The following SLC25A14 variants were observed in gnomAD, a reference collection of about 807,000 sequenced individuals.
The protein encoded by SLC25A14 is solute carrier family 25 member 14.
A neutral mutation model predicts 28.1 loss-of-function variants in SLC25A14; 8 were observed. The ratio of observed to expected loss-of-function variants is 0.28; its 90% CI spans 0.17 to 0.51. The LOEUF is 0.51. Ranked by LOEUF, SLC25A14 falls within the 20% of genes least tolerant of loss-of-function variation. The pLI is 0.97. For missense variants in SLC25A14, 135 were observed against 263.8 expected (o/e 0.51, Z 3.38); for synonymous variants, 74 against 90.6 (o/e 0.82, Z 1.04).
At chrX:130,341,776 C>T (rs1026867576) in intron 2 of SLC25A14, among the ~76,000 whole-genome samples, 52 of 112,090 alleles carry the variant, frequency 4.6e-4, no homozygotes, top group Non-Finnish European at 7.0e-4. Context: ...ACTACTTTTA[C>T]GCATATTTGG....
At position 130,346,680 on chromosome X, in the gene SLC25A14, T is replaced by G; in HGVS notation, c.306T>G (p.Ala102=). 2 of 1,206,226 alleles carry G rather than the reference T, an allele frequency of 1.7e-6. No homozygotes were observed. The highest frequency in any genetic ancestry group is 2.2e-6 in the Non-Finnish European group (2 of 891,167). ...FRICKEEGVL[A]LYSGIAPALL... ...TCTGTAAAGAGGAAGGTGTATTGGC[T>G]CTCTATTCAGGGTGAGACTGGTTCT... The change falls in exon 4 of 11, where the codon GCT becomes GCG. Residue 102 remains alanine, a synonymous_variant. Coordinates refer to ENST00000545805, the MANE Select transcript of SLC25A14 (RefSeq NM_001282195.2).
At chrX:130,365,949 A>G (rs780486806) in intron 9 of SLC25A14, among the ~76,000 whole-genome samples, 79 of 112,067 alleles carry the variant, frequency 7.0e-4, no homozygotes, top group Non-Finnish European at 2.1e-4. Flanking sequence ...AGAAAAGACA[A>G]TATATCCCCC....
chrX:130,362,121 A>G (rs1055636368), intron 7 of SLC25A14, among the ~76,000 whole-genome samples: 1 of 103,823 alleles, frequency 9.6e-6, no homozygotes, highest in African/African-American at 3.5e-5. Flanking sequence ...TTATTTATTT[A>G]TTTATTTATT....
At chrX:130,365,011 C>T (rs1350378840) in intron 8 of SLC25A14, 2 of 817,494 alleles carry the variant, frequency 2.4e-6, no homozygotes, top group African/African-American at 2.2e-5. Context: ...TTTATCCATA[C>T]ATAGCTTCTA....
chrX:130,354,085 C>G (rs1337977762), intron 6 of SLC25A14, among the ~76,000 whole-genome samples: 13 of 106,054 alleles, frequency 1.2e-4, no homozygotes, highest in Admixed American at 1.0e-3. Context: ...CCTTGATGGC[C>G]TTTTTCATTC....
intron 3 of SLC25A14, among the ~76,000 whole-genome samples, chrX:130,345,745 A>C (rs2033415660): frequency 8.9e-6 from 1 of 111,769 alleles, no homozygotes; most frequent in East Asian, 2.8e-4. Context: ...CGTTTTTTTC[A>C]TCTTCCAGAT....
At chrX:130,368,059 G>A (rs1027684904) in intron 9 of SLC25A14, among the ~76,000 whole-genome samples, 1 of 112,600 alleles carries the variant, frequency 8.9e-6, no homozygotes, top group Non-Finnish European at 1.9e-5. Flanking sequence ...GATTACAGGC[G>A]TGAGCCACCG....
intron 10 of SLC25A14, among the ~76,000 whole-genome samples, chrX:130,372,636 G>A (rs1276947033): frequency 9.2e-6 from 1 of 108,854 alleles, no homozygotes; most frequent in Non-Finnish European, 1.9e-5. Context: ...CTAATTTTTT[G>A]TATTTTTAGT....
intron 3 of SLC25A14, among the ~76,000 whole-genome samples, chrX:130,346,266 A>T (rs1343482787): frequency 9.0e-6 from 1 of 111,174 alleles, no homozygotes; most frequent in Non-Finnish European, 1.9e-5. Flanking sequence ...ACAACATTTA[A>T]TTATTTTGCA....
chrX:130,361,360 CTG>C (rs1406720683), intron 7 of SLC25A14, among the ~76,000 whole-genome samples: 1 of 112,310 alleles, frequency 8.9e-6, no homozygotes, highest in Non-Finnish European at 1.9e-5. Flanking sequence ...CTGAACATAA[CTG>C]TTTTTATGAT....
chrX:130,372,225 A>G (rs373549816), intron 10 of SLC25A14, among the ~76,000 whole-genome samples: 2 of 111,603 alleles, frequency 1.8e-5, no homozygotes, highest in East Asian at 2.8e-4. Flanking sequence ...GAGAGAGGGT[A>G]TCTCGTTCCC....
At chrX:130,369,727 G>T (rs1230307660) in intron 9 of SLC25A14, among the ~76,000 whole-genome samples, 1 of 111,612 alleles carries the variant, frequency 9.0e-6, no homozygotes, top group African/African-American at 3.3e-5. Context: ...AGCTGGACAT[G>T]TTCAAGGGTT....
rs780076232 is a variant in SLC25A14, at chrX:130,340,412, C to T, written c.75+59C>T. 43 of 1,159,818 alleles carry T rather than the reference C, an allele frequency of 3.7e-5. No individual in the cohort carries two copies. The African/African-American group carries it at 7.3e-4, about 20-fold the overall frequency. On this transcript the variant is annotated intron_variant, in intron 2 of 10. Coordinates refer to ENST00000545805, the MANE Select transcript of SLC25A14 (RefSeq NM_001282195.2). ...GATACTGTTGAAAGATGCTCCCCTT[C>T]GGTTTCTACCCCCTGTCACTCCTGA...
At chrX:130,372,612 G>A (rs924223340) in intron 10 of SLC25A14, among the ~76,000 whole-genome samples, 2 of 108,977 alleles carry the variant, frequency 1.8e-5, no homozygotes, top group African/African-American at 6.7e-5. Context: ...ACAGGCACCC[G>A]CCACCACACC....
chrX:130,360,026 A>C (rs920528800), intron 7 of SLC25A14, among the ~76,000 whole-genome samples: 7 of 110,261 alleles, frequency 6.3e-5, no homozygotes, highest in African/African-American at 2.3e-4. Context: ...ATTTCCTGTT[A>C]ATGAGACCAG....
intron 4 of SLC25A14, 42 bp from the exon 5 acceptor site, chrX:130,349,209 C>A: frequency 1.1e-6 from 1 of 901,782 alleles, no homozygotes; most frequent in Non-Finnish European, 1.6e-6. Context: ...TATGTATAAT[C>A]TGAAAATGTT....
At chrX:130,348,533 TC>T (rs1184988367) in intron 4 of SLC25A14, among the ~76,000 whole-genome samples, 1 of 110,585 alleles carries the variant, frequency 9.0e-6, no homozygotes. Context: ...GTAGTGCTAG[TC>T]CCTGTTTCAT....
intron 6 of SLC25A14, 31 bp downstream of exon 6, chrX:130,350,762 G>A (rs376543159): frequency 6.1e-5 from 58 of 949,794 alleles, no homozygotes; most frequent in Non-Finnish European, 8.4e-5. Context: ...TTTGAAAGGA[G>A]CATAACTTTG....
Position 130,365,644 on chromosome X carries a change from C to T in SLC25A14, c.823C>T (p.Leu275Phe). ...GAGGGCAATCGTGGGACATGTGGAT[C>T]TCTATAAGGGCACTGTTGATGGTAT... ...NQRAIVGHVD[L>F]YKGTVDGILK... is the part of the protein sequence containing the mutation. The change falls in exon 9 of 11, where the codon CTC becomes TTC. Residue 275 changes from leucine to phenylalanine, a missense_variant. Transcript: ENST00000545805. The T allele has an allele frequency of 8.3e-7, 1 of 1,209,820 alleles. No homozygotes were observed. Among genetic ancestry groups the T allele is most frequent in the Admixed American group, 2.2e-5 (1 of 45,993 alleles).
Sources: allele counts gnomAD v4.1 joint callset (sites outside exome capture counted in the v4.1 genomes callset), GRCh38; gene constraint gnomAD v4.1.1; transcripts MANE v1.5; gene names NCBI Gene and HGNC (gene_info 2026-07-23, HGNC 2026-07-21).